The following PACRG variants were observed in gnomAD, a reference collection of about 807,000 sequenced individuals.
The protein encoded by PACRG is parkin coregulated gene protein.
A neutral mutation model predicts 29.7 loss-of-function variants in PACRG; 29 were observed. The observed-to-expected ratio is 0.98, with a 90% CI of 0.73 to 1.33. The LOEUF is 1.33. Ranked by LOEUF, PACRG falls within the 40% of genes most tolerant of loss-of-function variation. PACRG has a pLI of 0.00. For synonymous variants in PACRG, 116 were observed against 118.7 expected, an observed-to-expected ratio of 0.98 and a Z score of 0.15; for missense variants, 279 against 316.2, an observed-to-expected ratio of 0.88 and a Z score of 0.89.
At chr6:163,301,539 A>G (rs987094432) in intron 4 of PACRG, among the ~76,000 whole-genome samples, 1 of 152,204 alleles carries the variant, frequency 6.6e-6, no homozygotes, top group African/African-American at 2.4e-5. Flanking sequence ...GTGAGTCCAG[A>G]TAACAATGTC....
At chr6:163,142,722 C>T (rs1777598445) in intron 4 of PACRG, among the ~76,000 whole-genome samples, 1 of 152,140 alleles carries the variant, frequency 6.6e-6, no homozygotes, top group South Asian at 2.1e-4. Context: ...GTAGGACTGT[C>T]CTTGGAATGG....
At chr6:162,762,366 T>C (rs889618533) in intron 1 of PACRG, among the ~76,000 whole-genome samples, 3 of 152,118 alleles carry the variant, frequency 2.0e-5, no homozygotes, top group African/African-American at 7.2e-5. Context: ...GGAACAAACA[T>C]TGGGAATTGA....
intron 2 of PACRG, among the ~76,000 whole-genome samples, chr6:163,021,429 G>A (rs936482711): frequency 2.6e-5 from 4 of 151,834 alleles, no homozygotes; most frequent in Admixed American, 6.6e-5. Flanking sequence ...TAAATGTCTC[G>A]TGAATGTCTG....
chr6:163,155,872 A>G (rs1275290171), intron 4 of PACRG, among the ~76,000 whole-genome samples: 1 of 152,038 alleles, frequency 6.6e-6, no homozygotes. Flanking sequence ...CCGCCTCTAG[A>G]TCTCTGCACA....
At chr6:163,136,223 A>T (rs181895679) in intron 4 of PACRG, among the ~76,000 whole-genome samples, 3 of 152,126 alleles carry the variant, frequency 2.0e-5, no homozygotes, top group Non-Finnish European at 2.9e-5. Flanking sequence ...TGACAGCATC[A>T]CCCTAACTCC....
At chr6:162,949,047 G>A (rs138865619) in intron 2 of PACRG, among the ~76,000 whole-genome samples, 2 of 152,128 alleles carry the variant, frequency 1.3e-5, no homozygotes, top group African/African-American at 4.8e-5. Flanking sequence ...AAAGATATCT[G>A]CACCCCATCT....
intron 2 of PACRG, among the ~76,000 whole-genome samples, chr6:162,859,726 C>A (rs1476270561): frequency 6.6e-6 from 1 of 152,168 alleles, no homozygotes; most frequent in Non-Finnish European, 1.5e-5. Context: ...ATAAGCCTTG[C>A]AGAGTCCCCT....
intron 4 of PACRG, among the ~76,000 whole-genome samples, chr6:163,253,117 C>T (rs542905397): frequency 2.0e-5 from 3 of 150,688 alleles, no homozygotes; most frequent in South Asian, 4.2e-4. Context: ...GCCAACGTGG[C>T]GAAACCCTGT....
chr6:162,749,838 C>G (rs1226999455), intron 1 of PACRG, among the ~76,000 whole-genome samples: 4 of 152,130 alleles, frequency 2.6e-5, no homozygotes, highest in African/African-American at 9.7e-5. Context: ...ATATTTCTTA[C>G]TGTAATAAGT....
chr6:163,126,268 GA>G (rs1816510747), intron 4 of PACRG, among the ~76,000 whole-genome samples: 11 of 152,146 alleles, frequency 7.2e-5, no homozygotes, highest in Admixed American at 7.2e-4. Flanking sequence ...CATATGCAAA[GA>G]ATTGTCTCAT....
chr6:162,969,977 G>A (rs1219981625), intron 2 of PACRG, among the ~76,000 whole-genome samples: 2 of 152,192 alleles, frequency 1.3e-5, no homozygotes, highest in African/African-American at 4.8e-5. Flanking sequence ...GTAAATGAAT[G>A]AATGGTCGAA....
chr6:163,100,930 T>A, intron 4 of PACRG: 3 of 985,046 alleles, frequency 3.0e-6, no homozygotes, highest in Non-Finnish European at 3.6e-6. Flanking sequence ...TTCCAAGTAA[T>A]AAAGAAGAAA....
intron 2 of PACRG, among the ~76,000 whole-genome samples, chr6:163,040,371 T>C (rs1808579862): frequency 6.6e-6 from 1 of 152,238 alleles, no homozygotes; most frequent in Non-Finnish European, 1.5e-5. Flanking sequence ...GAATTTCTGC[T>C]AAGGCAGTGC....
At chr6:163,254,311 G>A (rs2128173119) in intron 4 of PACRG, among the ~76,000 whole-genome samples, 1 of 152,310 alleles carries the variant, frequency 6.6e-6, no homozygotes, top group South Asian at 2.1e-4. Context: ...GAAATGCGCT[G>A]ATGAAGGGGG....
chr6:163,156,645 A>C (rs1424980799), intron 4 of PACRG, among the ~76,000 whole-genome samples: 1 of 152,156 alleles, frequency 6.6e-6, no homozygotes, highest in African/African-American at 2.4e-5. Flanking sequence ...AAACAGCAGA[A>C]ATTTATTATC....
At chr6:162,989,754 A>G (rs1443383312) in intron 2 of PACRG, among the ~76,000 whole-genome samples, 1 of 121,750 alleles carries the variant, frequency 8.2e-6, no homozygotes, top group South Asian at 2.6e-4. Context: ...TTTTTTTATT[A>G]TACTTTAAGT....
intron 2 of PACRG, among the ~76,000 whole-genome samples, chr6:162,871,367 G>T (rs1040961043): frequency 2.6e-5 from 4 of 152,206 alleles, no homozygotes; most frequent in African/African-American, 9.7e-5. Context: ...TTACAGAAAT[G>T]TAAAGGGTTG....
At chr6:163,103,761 A>C (rs1815229211) in intron 4 of PACRG, among the ~76,000 whole-genome samples, 1 of 152,216 alleles carries the variant, frequency 6.6e-6, no homozygotes, top group Non-Finnish European at 1.5e-5. Flanking sequence ...CATGTTCAAG[A>C]GGATACAAAA....
At chr6:162,925,322 G>A (rs1202609983) in intron 2 of PACRG, among the ~76,000 whole-genome samples, 1 of 152,114 alleles carries the variant, frequency 6.6e-6, no homozygotes, top group Non-Finnish European at 1.5e-5. Context: ...TATGAGGCCA[G>A]TATCATCCTG....
Sources: allele counts gnomAD v4.1 joint callset (sites outside exome capture counted in the v4.1 genomes callset), GRCh38; gene constraint gnomAD v4.1.1; transcripts MANE v1.5; gene names NCBI Gene and HGNC (gene_info 2026-07-23, HGNC 2026-07-21).